Variants in FYTTD1 observed in about 807,000 individuals in gnomAD.
FYTTD1 encodes the protein UAP56-interacting factor.
A neutral mutation model predicts 40.9 loss-of-function variants in FYTTD1; 22 were observed. The observed-to-expected ratio is 0.54, with a 90% CI of 0.38 to 0.77. FYTTD1 has a LOEUF of 0.77. Ranked by LOEUF, FYTTD1 falls within the 30% of genes least tolerant of loss-of-function variation. The pLI is 0.00. For missense variants in FYTTD1, 351 were observed against 392.2 expected (o/e 0.90, Z 0.89); for synonymous variants, 140 against 137.9 (o/e 1.01, Z -0.10).
At chr3:197,766,492 C>G (rs1729554867) in intron 2 of FYTTD1, among the ~76,000 whole-genome samples, 1 of 127,780 alleles carries the variant, frequency 7.8e-6, no homozygotes, top group Admixed American at 9.0e-5. Flanking sequence ...TCACCCCAGC[C>G]TGGAGTACAG....
upstream of FYTTD1, chr3:197,749,593 A>T (rs990390101): frequency 1.6e-5 from 19 of 1,222,164 alleles, no homozygotes; most frequent in Non-Finnish European, 1.9e-5. Context: ...ACCTGTCTGC[A>T]GCAGGAGGGA....
chr3:197,766,001 A>T (rs947965474), intron 2 of FYTTD1, among the ~76,000 whole-genome samples: 4 of 151,504 alleles, frequency 2.6e-5, no homozygotes, highest in Non-Finnish European at 4.4e-5. Context: ...GTCTCAAAAA[A>T]ATATGTATAT....
chr3:197,751,404 C>A (rs1415814595), intron 1 of FYTTD1, among the ~76,000 whole-genome samples: 1 of 151,880 alleles, frequency 6.6e-6, no homozygotes, highest in African/African-American at 2.4e-5. Context: ...CCTTTGAAGG[C>A]GGAGGCGGAG....
intron 2 of FYTTD1, among the ~76,000 whole-genome samples, chr3:197,761,989 T>C (rs1729401551): frequency 6.6e-6 from 1 of 152,214 alleles, no homozygotes; most frequent in Admixed American, 6.5e-5. Context: ...TTGCAGACTT[T>C]GGACTTCTTT....
intron 2 of FYTTD1, among the ~76,000 whole-genome samples, chr3:197,760,428 CA>C (rs1188550024): frequency 6.6e-6 from 1 of 150,736 alleles, no homozygotes; most frequent in Non-Finnish European, 1.5e-5. Context: ...AGTTGTTCTT[CA>C]GGGGTAGAAT....
chr3:197,766,428 CTG>C (rs1491010098), intron 2 of FYTTD1, among the ~76,000 whole-genome samples: 1 of 18,472 alleles, frequency 5.4e-5, no homozygotes, highest in African/African-American at 1.4e-4. Flanking sequence ...GTGTTTGAGA[CTG>C]GTGTGTGTGT....
intron 8 of FYTTD1, among the ~76,000 whole-genome samples, chr3:197,780,726 G>A (rs1316490357): frequency 6.6e-6 from 1 of 151,830 alleles, no homozygotes; most frequent in African/African-American, 2.4e-5. Context: ...TGTATTTTTA[G>A]TAGAGACAGG....
intron 1 of FYTTD1, among the ~76,000 whole-genome samples, chr3:197,753,925 A>G (rs1314941990): frequency 6.6e-6 from 1 of 151,848 alleles, no homozygotes; most frequent in Non-Finnish European, 1.5e-5. Context: ...ATTTTTTAGT[A>G]GACACAGGGT....
At chr3:197,779,715 C>A (rs1350704228) in intron 8 of FYTTD1, among the ~76,000 whole-genome samples, 1 of 149,236 alleles carries the variant, frequency 6.7e-6, no homozygotes, top group African/African-American at 2.5e-5. Context: ...GGCACACACA[C>A]CACCACACCT....
At chr3:197,771,891 C>T (rs983027768) in intron 4 of FYTTD1, among the ~76,000 whole-genome samples, 2 of 151,206 alleles carry the variant, frequency 1.3e-5, no homozygotes, top group African/African-American at 4.9e-5. Context: ...GCCAGGAGTT[C>T]GAGACCAGCC....
chr3:197,775,730 T>G (rs1283900904), intron 6 of FYTTD1, among the ~76,000 whole-genome samples: 3 of 152,178 alleles, frequency 2.0e-5, no homozygotes, highest in African/African-American at 7.2e-5. Flanking sequence ...ACTGTGAAAC[T>G]GATACAGGTG....
At chr3:197,755,637 T>TTTAG in intron 1 of FYTTD1, 1 of 228,508 alleles carries the variant, frequency 4.4e-6, no homozygotes, top group Non-Finnish European at 8.2e-6. Flanking sequence ...TATTTATTTA[T>TTTAG]TTATTTATTT....
In FYTTD1 at chr3:197,776,892, A is replaced by G. The variant is rs1249076181; in HGVS notation, c.657-35A>G. On this transcript the variant is annotated intron_variant, in intron 6 of 8. Transcript: ENST00000241502. ...ATATACATAGGGTTTATCAACTTAC[A>G]TTTAATGAATTTTTTTTATTTTTTT... 4 of 1,398,822 alleles carry G rather than the reference A, an allele frequency of 2.9e-6. No individual in the cohort carries two copies. The East Asian group carries it at 9.2e-5, about 32-fold the overall frequency. 86.7% of individuals were successfully genotyped at this position (1,398,822 alleles called of 1,614,324 possible). A position where few individuals can be genotyped will look rare whatever the true frequency, so the allele number is the denominator to read the frequency against.
At chr3:197,773,858 G>A (rs1383492459) in intron 5 of FYTTD1, among the ~76,000 whole-genome samples, 1 of 145,982 alleles carries the variant, frequency 6.9e-6, no homozygotes, top group African/African-American at 2.8e-5. Context: ...GGGCCCCTCC[G>A]CTGCACTCAC....
Position 197,778,287 on chromosome 3 carries a change from TTTTTC to T in FYTTD1, c.732-45_732-41del, listed in dbSNP as rs752980416. 1.4e-5 allele frequency: 20 copies of T among 1,439,392 alleles called. No homozygotes were observed. The African/African-American group carries it at 2.1e-4, about 15-fold the overall frequency. The allele number at this position is 1,439,392 out of a possible 1,614,324, so 89.2% of individuals were successfully genotyped here. The stretch of plus-strand genomic sequence containing the variant: ...ATGTCTTAAGTACCAAGTGAATTTA[TTTTTC>T]TTTTCATTGTTAAGCTGCTCTGATA... On this transcript the variant is annotated intron_variant, in intron 7 of 8. Coordinates refer to ENST00000241502, the MANE Select transcript of FYTTD1 (RefSeq NM_032288.7).
chr3:197,760,032 A>G (rs1729330870), intron 2 of FYTTD1, among the ~76,000 whole-genome samples: 1 of 150,514 alleles, frequency 6.6e-6, no homozygotes, highest in Admixed American at 6.6e-5. Context: ...GAATGTATGG[A>G]GTTGTTCTTC....
intron 1 of FYTTD1, among the ~76,000 whole-genome samples, chr3:197,755,477 GCT>G (rs1002988837): frequency 1.8e-4 from 27 of 149,034 alleles, no homozygotes; most frequent in African/African-American, 5.6e-4. Flanking sequence ...ATGGAGTCTC[GCT>G]CTGTCACCCA....
chr3:197,767,913 G>A (rs1729599146), intron 2 of FYTTD1, among the ~76,000 whole-genome samples: 1 of 152,158 alleles, frequency 6.6e-6, no homozygotes, highest in African/African-American at 2.4e-5. Context: ...GCAGTGTGCT[G>A]TCATAAGTAA....
intron 6 of FYTTD1, 27 bp downstream of exon 6, chr3:197,774,237 G>A (rs1729805558): frequency 6.3e-7 from 1 of 1,587,512 alleles, no homozygotes; most frequent in African/African-American, 1.3e-5. Flanking sequence ...TTTTTAAGAT[G>A]TTATTTCAAA....
Sources: allele counts gnomAD v4.1 joint callset (sites outside exome capture counted in the v4.1 genomes callset), GRCh38; gene constraint gnomAD v4.1.1; transcripts MANE v1.5; gene names NCBI Gene and HGNC (gene_info 2026-07-23, HGNC 2026-07-21).